USP32: variants seen among roughly 807,000 people sequenced by gnomAD.
USP32 encodes the protein ubiquitin specific peptidase 32.
A neutral mutation model predicts 204.8 loss-of-function variants in USP32; 59 were observed. The ratio of observed to expected loss-of-function variants is 0.29; its 90% confidence interval spans 0.23 to 0.36. The LOEUF is 0.36. USP32 is among the 10% of genes least tolerant of loss of function. USP32 has a pLI of 1.00. For synonymous variants in USP32, 517 were observed against 678.4 expected, an observed-to-expected ratio of 0.76 and a Z score of 3.70; for missense variants, 1,160 against 1,946.4, an observed-to-expected ratio of 0.60 and a Z score of 7.60.
At position 60,214,712 on chromosome 17, in the gene USP32, G is replaced by T. The variant is rs370120680; in HGVS notation, c.1930C>A (p.Arg644=). Residue 644 remains arginine, a synonymous_variant, in exon 17 of 34, where the codon CGA becomes AGA. Transcript: ENST00000300896. The stretch of plus-strand genomic sequence containing the variant: ...TGAATTTCCTTGATGGTCTGCATTC[G>T]ACTAAAACAGCCTGTATAGGCTAAT... ...RVLAYTGCFS[R]MQTIKEIHEY... is the part of the protein sequence containing the mutation. 23 of 1,613,600 alleles carry T rather than the reference G, an allele frequency of 1.4e-5. No individual in the cohort carries two copies. The highest frequency in any genetic ancestry group is 3.3e-5 in the Admixed American group (2 of 59,968).
intron 11 of USP32, among the ~76,000 whole-genome samples, chr17:60,247,870 G>C (rs2086073757): frequency 6.6e-6 from 1 of 152,114 alleles, no homozygotes; most frequent in Non-Finnish European, 1.5e-5. Context: ...ATTTTTAGTA[G>C]AGACGGGGTT....
intron 15 of USP32, among the ~76,000 whole-genome samples, chr17:60,221,726 G>A (rs922684765): frequency 1.3e-5 from 2 of 151,810 alleles, no homozygotes; most frequent in Non-Finnish European, 2.9e-5. Context: ...GGCTGGTCTC[G>A]AACTCCTGAC....
intron 9 of USP32, chr17:60,256,909 A>T (rs2086321886): frequency 1.2e-5 from 5 of 413,650 alleles, no homozygotes; most frequent in Non-Finnish European, 2.2e-5. Flanking sequence ...CCCATAGAAT[A>T]AAAAACACTG....
chr17:60,377,355 G>A (rs549807885), intron 1 of USP32, among the ~76,000 whole-genome samples: 47 of 152,242 alleles, frequency 3.1e-4, no homozygotes, highest in African/African-American at 1.1e-3. Flanking sequence ...ATTTTTAAAA[G>A]TGCCTACAAA....
At chr17:60,212,233 C>T (rs911978502) in intron 18 of USP32, 135 bp from the exon 19 acceptor site, 1 of 716,700 alleles carries the variant, frequency 1.4e-6, no homozygotes, top group African/African-American at 1.8e-5. Flanking sequence ...ACATACATTG[C>T]TTAACGACGA....
intron 11 of USP32, among the ~76,000 whole-genome samples, chr17:60,244,851 C>A (rs527998365): frequency 2.4e-4 from 36 of 152,318 alleles, no homozygotes; most frequent in African/African-American, 7.9e-4. Flanking sequence ...AGGCTGGTAT[C>A]GAACTCCTGG....
At chr17:60,210,834 T>C (rs1420691269) in intron 21 of USP32, among the ~76,000 whole-genome samples, 179 bp downstream of exon 21, 6 of 152,274 alleles carry the variant, frequency 3.9e-5, no homozygotes, top group African/African-American at 1.4e-4. Context: ...CCACTACATA[T>C]ACAGTAGTAA....
At chr17:60,418,515 A>G (rs1021686191) in intron 1 of USP32, among the ~76,000 whole-genome samples, 3 of 151,398 alleles carry the variant, frequency 2.0e-5, no homozygotes, top group African/African-American at 7.3e-5. Flanking sequence ...GACTAATGGG[A>G]TCTAATTAAA....
intron 1 of USP32, among the ~76,000 whole-genome samples, chr17:60,387,910 T>C (rs1290040169): frequency 2.0e-5 from 3 of 152,172 alleles, no homozygotes; most frequent in African/African-American, 7.2e-5. Flanking sequence ...AATACTTTAC[T>C]GAAATATGAT....
At chr17:60,278,640 T>C (rs371326550) in intron 5 of USP32, among the ~76,000 whole-genome samples, 5 of 152,294 alleles carry the variant, frequency 3.3e-5, no homozygotes, top group African/African-American at 7.2e-5. Context: ...GTTTATACCA[T>C]GGACCCAAGA....
intron 1 of USP32, among the ~76,000 whole-genome samples, chr17:60,352,779 G>A (rs1567869383): frequency 6.6e-6 from 1 of 152,158 alleles, no homozygotes; most frequent in East Asian, 1.9e-4. Flanking sequence ...AAGCGATCCT[G>A]CCACCTCTGT....
At chr17:60,391,225 C>T (rs2146143295) in intron 1 of USP32, among the ~76,000 whole-genome samples, 1 of 152,332 alleles carries the variant, frequency 6.6e-6, no homozygotes, top group South Asian at 2.1e-4. Flanking sequence ...GAGATGAAAC[C>T]TAAGACAAGG....
At chr17:60,299,233 A>G (rs2087512784) in intron 3 of USP32, among the ~76,000 whole-genome samples, 1 of 152,238 alleles carries the variant, frequency 6.6e-6, no homozygotes, top group Admixed American at 6.5e-5. Context: ...TACCTCAATA[A>G]AACTTTTCTT....
intron 26 of USP32, 72 bp from the exon 27 acceptor site, chr17:60,198,516 T>A: frequency 1.3e-6 from 2 of 1,549,308 alleles, no homozygotes; most frequent in Non-Finnish European, 1.8e-6. Context: ...TTCTTCTAAA[T>A]GCCTGCCAAT....
chr17:60,284,214 CTTT>C (rs1181309647), intron 5 of USP32, among the ~76,000 whole-genome samples: 4 of 132,138 alleles, frequency 3.0e-5, no homozygotes, highest in Admixed American at 1.5e-4. Flanking sequence ...TTTTTCTTTT[CTTT>C]TTTTTTTTTT....
At chr17:60,194,519 A>G (rs1219820780) in intron 27 of USP32, among the ~76,000 whole-genome samples, 1 of 152,302 alleles carries the variant, frequency 6.6e-6, no homozygotes, top group Middle Eastern at 3.4e-3. Flanking sequence ...GAAGGTACAT[A>G]TCTTCTTTAC....
intron 5 of USP32, among the ~76,000 whole-genome samples, chr17:60,271,910 C>G (rs2086732928): frequency 6.6e-6 from 1 of 151,784 alleles, no homozygotes; most frequent in Non-Finnish European, 1.5e-5. Flanking sequence ...TTCCTGGGCT[C>G]AAGCCATCTT....
chr17:60,291,951 T>C (rs1206965518), intron 4 of USP32, among the ~76,000 whole-genome samples: 1 of 151,742 alleles, frequency 6.6e-6, no homozygotes, highest in African/African-American at 2.4e-5. Context: ...CCTATCACCA[T>C]TTCCTCTTAT....
At chr17:60,369,290 G>C (rs1160966262) in intron 1 of USP32, among the ~76,000 whole-genome samples, 4 of 138,140 alleles carry the variant, frequency 2.9e-5, no homozygotes, top group Non-Finnish European at 4.4e-5. Flanking sequence ...CACCGCGCCC[G>C]GCCAAAAGAT....
Sources: gnomAD v4.1 joint callset for allele counts (sites outside exome capture counted in the v4.1 genomes callset) on GRCh38, gnomAD v4.1.1 for gene constraint, MANE v1.5 for transcripts, NCBI Gene and HGNC (gene_info 2026-07-23, HGNC 2026-07-21) for gene names.